Variants in FSTL5 observed in about 807,000 individuals in gnomAD.
FSTL5 encodes follistatin like 5, also known as follistatin-related protein 5.
FSTL5 carries 62 observed loss-of-function variants against 89.1 expected under a neutral mutation model. That is an observed-to-expected ratio of 0.70 (90% CI 0.57 to 0.86). FSTL5 has a LOEUF of 0.86. Ranked by LOEUF, FSTL5 falls within the 40% of genes least tolerant of loss-of-function variation. The pLI, the probability that FSTL5 is intolerant of heterozygous loss-of-function variation, is 0.00. For synonymous variants in FSTL5, 383 were observed against 346.2 expected, an observed-to-expected ratio of 1.11 and a Z score of -1.18; for missense variants, 1,057 against 1,001.6, an observed-to-expected ratio of 1.06 and a Z score of -0.75.
intron 3 of FSTL5, among the ~76,000 whole-genome samples, chr4:162,013,586 T>C (rs1273510839): frequency 6.6e-6 from 1 of 152,180 alleles, no homozygotes; most frequent in Non-Finnish European, 1.5e-5. Context: ...TTATTCTCCA[T>C]AGGTCCTTTG....
chr4:161,569,738 A>T (rs2126583508), intron 8 of FSTL5, among the ~76,000 whole-genome samples: 1 of 147,152 alleles, frequency 6.8e-6, no homozygotes. Flanking sequence ...GGAAAATGAG[A>T]TCTTTAAGTC....
intron 6 of FSTL5, among the ~76,000 whole-genome samples, chr4:161,664,104 T>C (rs1167200509): frequency 6.6e-6 from 1 of 152,168 alleles, no homozygotes; most frequent in African/African-American, 2.4e-5. Context: ...CTCCTGGGCC[T>C]CTGGCCCTGT....
At chr4:161,952,036 G>T (rs1384739604) in intron 3 of FSTL5, among the ~76,000 whole-genome samples, 1 of 151,934 alleles carries the variant, frequency 6.6e-6, no homozygotes, top group Non-Finnish European at 1.5e-5. Flanking sequence ...GAAAATATAA[G>T]TATCTTGATA....
chr4:161,947,495 C>T (rs566790057), intron 3 of FSTL5, among the ~76,000 whole-genome samples: 66 of 152,002 alleles, frequency 4.3e-4, no homozygotes, highest in Admixed American at 9.8e-4. Flanking sequence ...GTTTTAAATA[C>T]GTTCCTTTTC....
intron 3 of FSTL5, among the ~76,000 whole-genome samples, chr4:162,011,930 T>C (rs1736780627): frequency 6.6e-6 from 1 of 152,204 alleles, no homozygotes; most frequent in Non-Finnish European, 1.5e-5. Flanking sequence ...GTCTTGTTTA[T>C]TCTGTCATTA....
At chr4:161,513,272 G>GGGGAGAGAGA (rs1349844190) in intron 10 of FSTL5, among the ~76,000 whole-genome samples, 3 of 109,978 alleles carry the variant, frequency 2.7e-5, no homozygotes, top group South Asian at 3.7e-4. Flanking sequence ...ACAAGGAGGG[G>GGGGAGAGAGA]GAGAGAGAGA....
chr4:161,542,003 G>A (rs935633981), intron 9 of FSTL5, among the ~76,000 whole-genome samples: 1 of 151,654 alleles, frequency 6.6e-6, no homozygotes, highest in African/African-American at 2.4e-5. Context: ...TAGAAGATTA[G>A]AATATGTACA....
intron 7 of FSTL5, among the ~76,000 whole-genome samples, chr4:161,630,376 A>C (rs987732955): frequency 1.3e-5 from 2 of 152,132 alleles, no homozygotes; most frequent in Non-Finnish European, 2.9e-5. Flanking sequence ...ATCAGCTACT[A>C]TGGCACCTGG....
At chr4:161,748,302 TTAAAG>T (rs1316544077) in intron 6 of FSTL5, among the ~76,000 whole-genome samples, 1 of 152,166 alleles carries the variant, frequency 6.6e-6, no homozygotes, top group Non-Finnish European at 1.5e-5. Context: ...CTATGACATG[TTAAAG>T]TATTTTGCAC....
At chr4:161,997,496 T>G (rs1736329300) in intron 3 of FSTL5, among the ~76,000 whole-genome samples, 1 of 152,208 alleles carries the variant, frequency 6.6e-6, no homozygotes, top group Non-Finnish European at 1.5e-5. Context: ...CACTTTACAG[T>G]GCACATTCCT....
chr4:161,488,472 G>A (rs1415777500), intron 12 of FSTL5, among the ~76,000 whole-genome samples: 6 of 151,950 alleles, frequency 3.9e-5, no homozygotes, highest in Non-Finnish European at 4.4e-5. Context: ...GCTATCATAA[G>A]CTGAGCATTG....
At position 161,386,091 on chromosome 4, in the gene FSTL5, A is replaced by C; in HGVS notation, c.2200T>G (p.Tyr734Asp). Residue 734 changes from tyrosine to aspartate, a missense_variant, in exon 16 of 16, where the codon TAC becomes GAC. Around this residue, in one of 3 missense-constraint regions of FSTL5, gnomAD observed 980 missense variants for 903.2 expected, o/e 1.08. Transcript: ENST00000306100. ...RGEIQEAFDI[Y>D]TNLHISDLAF... Reference sequence around the variant, plus strand: ...AGATCAGATATGTGCAGATTTGTGTAAATATCAAAAGCCTCCTGTATTTCT... The same window carrying C: ...AGATCAGATATGTGCAGATTTGTGTCAATATCAAAAGCCTCCTGTATTTCT... The C allele has an allele frequency of 6.2e-7, 1 of 1,614,062 alleles. No individual in the cohort carries two copies. Among genetic ancestry groups the C allele is most frequent in the African/African-American group, 1.3e-5 (1 of 75,040 alleles).
intron 4 of FSTL5, among the ~76,000 whole-genome samples, chr4:161,872,442 A>G (rs1461724798): frequency 6.6e-6 from 1 of 152,062 alleles, no homozygotes; most frequent in African/African-American, 2.4e-5. Flanking sequence ...TCTTCTAGAG[A>G]CCTTCAAAAA....
At chr4:161,927,141 A>G (rs1006854760) in intron 3 of FSTL5, among the ~76,000 whole-genome samples, 3 of 151,800 alleles carry the variant, frequency 2.0e-5, no homozygotes, top group African/African-American at 7.2e-5. Flanking sequence ...TCTATAAACC[A>G]TGTTGATCTA....
chr4:161,812,616 C>A (rs896183693), intron 4 of FSTL5, among the ~76,000 whole-genome samples: 1 of 152,010 alleles, frequency 6.6e-6, no homozygotes, highest in Non-Finnish European at 1.5e-5. Context: ...TAGTGTTTGG[C>A]ACATAGGAAG....
At chr4:161,695,300 A>G (rs1254207594) in intron 6 of FSTL5, among the ~76,000 whole-genome samples, 1 of 152,064 alleles carries the variant, frequency 6.6e-6, no homozygotes, top group African/African-American at 2.4e-5. Flanking sequence ...GAGTAAGAAC[A>G]TACGATGTTT....
intron 6 of FSTL5, among the ~76,000 whole-genome samples, chr4:161,752,012 T>G (rs1010925499): frequency 6.6e-6 from 1 of 152,178 alleles, no homozygotes; most frequent in Non-Finnish European, 1.5e-5. Flanking sequence ...AATGCCTTTG[T>G]GTTTGAATGC....
At chr4:161,675,068 G>A (rs570533972) in intron 6 of FSTL5, among the ~76,000 whole-genome samples, 12 of 152,212 alleles carry the variant, frequency 7.9e-5, no homozygotes, top group Non-Finnish European at 1.6e-4. Context: ...TATAGATAAA[G>A]CAGGATAGTT....
intron 2 of FSTL5, among the ~76,000 whole-genome samples, chr4:162,042,291 T>C (rs1362565924): frequency 6.6e-6 from 1 of 152,202 alleles, no homozygotes; most frequent in African/African-American, 2.4e-5. Flanking sequence ...TTTGTTGTTG[T>C]TGTTGTTTGC....
Sources: gnomAD v4.1 joint callset for allele counts (sites outside exome capture counted in the v4.1 genomes callset) on GRCh38, gnomAD v4.1.1 for gene constraint, gnomAD v4.1.1 regional missense constraint, MANE v1.5 for transcripts, NCBI Gene and HGNC (gene_info 2026-07-23, HGNC 2026-07-21) for gene names.